FHIT: variants seen among roughly 807,000 people sequenced by gnomAD.
FHIT encodes fragile histidine triad diadenosine triphosphatase.
In FHIT, 19 loss-of-function variants were observed where a neutral mutation model predicts 17.9. That is an observed-to-expected ratio of 1.06 (90% CI 0.74 to 1.56). The LOEUF (loss-of-function observed/expected upper bound fraction) is 1.56, where lower values mean the gene tolerates loss of function less well. Among genes scored for constraint, FHIT ranks in the 40% most tolerant of loss-of-function variants. The pLI, the probability that FHIT is intolerant of heterozygous loss-of-function variation, is 0.00. For missense variants in FHIT, 248 were observed against 189.2 expected, an observed-to-expected ratio of 1.31 and a Z score of -1.82; for synonymous variants, 81 against 69.7, an observed-to-expected ratio of 1.16 and a Z score of -0.81.
In FHIT at chr3:59,938,006, A is replaced by G. The variant is rs76765136; in HGVS notation, c.280-15592T>C. Among the ~76,000 whole-genome samples the G allele has an allele frequency of 5.6e-3, 848 of 152,278 alleles. 11 individuals are homozygous for G. The highest frequency in any genetic ancestry group is 0.019 in the African/African-American group (797 of 41,576). On this transcript the variant is annotated intron_variant, in intron 7 of 9. Coordinates refer to ENST00000492590, the MANE Select transcript of FHIT (RefSeq NM_002012.4). Reference sequence around the variant, plus strand: ...GCAAATCTCAACCTACAGGGCTGCCAAGTGGAGCTGCAACTTTTTGCAAGG... The same window carrying G: ...GCAAATCTCAACCTACAGGGCTGCCGAGTGGAGCTGCAACTTTTTGCAAGG...
At chr3:60,013,016 A>G (rs771981079) in intron 6 of FHIT, among the ~76,000 whole-genome samples, 16 of 152,208 alleles carry the variant, frequency 1.1e-4, no homozygotes, top group African/African-American at 1.4e-4. Context: ...AGGGGACTCA[A>G]ATGGTTTGAC....
Position 60,796,628 on chromosome 3 carries a change from G to A in FHIT, c.-18+25291C>T, listed in dbSNP as rs530921026. On this transcript the variant is annotated intron_variant, in intron 4 of 9. Transcript: ENST00000492590. ...GATGGAGTCTTGGTCTGTCCCCCAG[G>A]CTGGAGTGCAGTGGCACAAGCTTGG... 3.9e-5 allele frequency among the ~76,000 whole-genome samples: 6 copies of A among 152,256 alleles called. No individual in the cohort carries two copies. In the South Asian group the frequency reaches 1.2e-3, roughly 32 times the overall value.
intron 5 of FHIT, among the ~76,000 whole-genome samples, chr3:60,310,470 T>C (rs1358359809): frequency 2.6e-5 from 4 of 152,008 alleles, no homozygotes; most frequent in Non-Finnish European, 1.5e-5. Flanking sequence ...CAATCAATGA[T>C]AAATTTCCCC....
At chr3:60,259,735 A>G (rs1415200067) in intron 5 of FHIT, among the ~76,000 whole-genome samples, 1 of 152,054 alleles carries the variant, frequency 6.6e-6, no homozygotes, top group African/African-American at 2.4e-5. Context: ...AGGCTGCCCA[A>G]CTCAAAATCA....
chr3:60,012,880 T>C (rs1290153402), intron 6 of FHIT, among the ~76,000 whole-genome samples: 2 of 152,198 alleles, frequency 1.3e-5, no homozygotes, highest in African/African-American at 4.8e-5. Context: ...TAAATGTGAT[T>C]TTTATTCTTG....
chr3:60,256,366 T>C (rs1319910963), intron 5 of FHIT, among the ~76,000 whole-genome samples: 1 of 152,216 alleles, frequency 6.6e-6, no homozygotes, highest in Non-Finnish European at 1.5e-5. Flanking sequence ...CCCATTTTTC[T>C]CAAGCCTTTT....
chr3:60,201,632 C>T (rs574970919), intron 5 of FHIT, among the ~76,000 whole-genome samples: 22 of 152,194 alleles, frequency 1.4e-4, no homozygotes, highest in Non-Finnish European at 2.8e-4. Context: ...AATAATTAAC[C>T]ACCTATTGCA....
chr3:60,543,006 G>T (rs1383702687), intron 4 of FHIT, among the ~76,000 whole-genome samples: 2 of 152,154 alleles, frequency 1.3e-5, no homozygotes, highest in African/African-American at 4.8e-5. Context: ...AATGATTACA[G>T]TAAGTTCCCA....
At chr3:60,758,351 T>C (rs893628290) in intron 4 of FHIT, among the ~76,000 whole-genome samples, 8 of 152,328 alleles carry the variant, frequency 5.3e-5, no homozygotes, top group African/African-American at 1.7e-4. Flanking sequence ...TCTAGTCAAA[T>C]TACCCAATGT....
rs147907943 is a variant in FHIT at position 61,073,955 on chromosome 3, C to T, written c.-163-31856G>A. Among the ~76,000 whole-genome samples the T allele has an allele frequency of 6.8e-3, 1,035 of 152,220 alleles. 9 individuals are homozygous for T. Among genetic ancestry groups the T allele is most frequent in the South Asian group, 0.022 (104 of 4,814 alleles). ...GTAAATACAGACTAAAACAAAGCAG[C>T]GGTTTATTCTTGATTTGGCATTGGG... On this transcript the variant is annotated intron_variant, in intron 2 of 9. Coordinates refer to ENST00000492590, the MANE Select transcript of FHIT (RefSeq NM_002012.4).
At chr3:60,290,845 G>A (rs572689056) in intron 5 of FHIT, among the ~76,000 whole-genome samples, 40 of 152,218 alleles carry the variant, frequency 2.6e-4, no homozygotes, top group Admixed American at 7.2e-4. Flanking sequence ...CAGAGGACTT[G>A]GGGTGGGAGG....
intron 2 of FHIT, among the ~76,000 whole-genome samples, chr3:61,179,099 C>T (rs551958429): frequency 6.7e-6 from 1 of 150,368 alleles, no homozygotes; most frequent in East Asian, 2.0e-4. Flanking sequence ...CAGCCTCTGC[C>T]TCCTTGTTCA....
chr3:61,046,081 T>A (rs2033771036), intron 2 of FHIT, among the ~76,000 whole-genome samples: 1 of 151,850 alleles, frequency 6.6e-6, no homozygotes, highest in Non-Finnish European at 1.5e-5. Flanking sequence ...TTAAAAGAAC[T>A]AGAGAAGCAA....
intron 4 of FHIT, among the ~76,000 whole-genome samples, chr3:60,576,949 TACACACACACAC>T (rs57891077): frequency 2.7e-5 from 4 of 146,850 alleles, no homozygotes; most frequent in African/African-American, 1.0e-4. Context: ...TCCATTTGCA[TACACACACACAC>T]ACACACACAC....
intron 5 of FHIT, among the ~76,000 whole-genome samples, chr3:60,100,724 T>C (rs1704157108): frequency 6.6e-6 from 1 of 152,154 alleles, no homozygotes; most frequent in Admixed American, 6.5e-5. Flanking sequence ...TTCTATTACA[T>C]ATGGTTAAAT....
chr3:60,993,819 T>A (rs1233800519), intron 3 of FHIT, among the ~76,000 whole-genome samples: 1 of 152,240 alleles, frequency 6.6e-6, no homozygotes, highest in African/African-American at 2.4e-5. Context: ...CTAGAAATTC[T>A]GAGTTATGCC....
chr3:59,924,265 TCTC>T (rs1705548400), intron 7 of FHIT, among the ~76,000 whole-genome samples: 1 of 152,126 alleles, frequency 6.6e-6, no homozygotes, highest in African/African-American at 2.4e-5. Context: ...CCTTTCTTCT[TCTC>T]CTCTTTTTGT....
chr3:59,787,894 C>A (rs1383906292), intron 8 of FHIT, among the ~76,000 whole-genome samples: 1 of 152,142 alleles, frequency 6.6e-6, no homozygotes, highest in Non-Finnish European at 1.5e-5. Flanking sequence ...TTCTACAAAC[C>A]CTTCCTAGCT....
intron 1 of FHIT, among the ~76,000 whole-genome samples, chr3:61,249,123 A>C (rs1475835542): frequency 6.6e-6 from 1 of 152,164 alleles, no homozygotes; most frequent in Non-Finnish European, 1.5e-5. Context: ...TGAAAGAGCA[A>C]ATTAGAGGAG....
Sources: allele counts gnomAD v4.1 joint callset (sites outside exome capture counted in the v4.1 genomes callset), GRCh38; gene constraint gnomAD v4.1.1; transcripts MANE v1.5; gene names NCBI Gene and HGNC (gene_info 2026-07-23, HGNC 2026-07-21).